CNBD1: variants seen among roughly 807,000 people sequenced by gnomAD.
CNBD1 encodes cyclic nucleotide binding domain containing 1, also known as cyclic nucleotide-binding domain-containing protein 1.
In CNBD1, 71 loss-of-function variants were observed where a neutral mutation model predicts 54.4. The observed-to-expected ratio is 1.30, with a 90% confidence interval of 1.08 to 1.59. The LOEUF (loss-of-function observed/expected upper bound fraction) is 1.59, where lower values mean the gene tolerates loss of function less well. CNBD1 is among the 40% of genes most tolerant of loss of function. The probability of loss-of-function intolerance (pLI) is 0.00; values close to 1 mark genes in which losing one functional copy is unlikely to be tolerated. For synonymous variants in CNBD1, 182 were observed against 170.7 expected (o/e 1.07, Z -0.51); for missense variants, 659 against 518.0 (o/e 1.27, Z -2.64).
intron 4 of CNBD1, among the ~76,000 whole-genome samples, chr8:87,130,586 G>A (rs919683224): frequency 2.0e-5 from 3 of 151,984 alleles, no homozygotes; most frequent in African/African-American, 4.8e-5. Context: ...AGACCAGCTT[G>A]GGCAACATGG....
intron 8 of CNBD1, among the ~76,000 whole-genome samples, chr8:87,317,337 T>C (rs1414449090): frequency 6.6e-6 from 1 of 151,736 alleles, no homozygotes; most frequent in Admixed American, 6.6e-5. Context: ...CTGTTCTAAG[T>C]ACTGCTTTTG....
chr8:87,272,225 C>T (rs923164750), intron 6 of CNBD1, among the ~76,000 whole-genome samples: 9 of 151,562 alleles, frequency 5.9e-5, no homozygotes, highest in East Asian at 5.8e-4. Flanking sequence ...AAATAGTTAG[C>T]GGGGAATAAT....
chr8:87,172,160 G>T (rs1019665977), intron 4 of CNBD1, among the ~76,000 whole-genome samples: 1 of 151,740 alleles, frequency 6.6e-6, no homozygotes, highest in Non-Finnish European at 1.5e-5. Flanking sequence ...TTATTAACAA[G>T]AAGAATTCTT....
chr8:87,211,772 C>G (rs576465885), intron 5 of CNBD1, among the ~76,000 whole-genome samples: 1 of 152,176 alleles, frequency 6.6e-6, no homozygotes, highest in Non-Finnish European at 1.5e-5. Context: ...GCCAATTAAA[C>G]CTCTTTTCTT....
intron 10 of CNBD1, among the ~76,000 whole-genome samples, chr8:87,379,679 A>G (rs989042613): frequency 2.6e-5 from 4 of 152,018 alleles, no homozygotes; most frequent in African/African-American, 4.8e-5. Flanking sequence ...ATGATGAAAC[A>G]TTATTGCACT....
chr8:86,874,986 T>TTATATATATATATA (rs10584669), intron 1 of CNBD1, among the ~76,000 whole-genome samples: 1,289 of 119,754 alleles, frequency 0.011, 25 homozygotes, highest in African/African-American at 0.013. Flanking sequence ...GTAAATCAAT[T>TTATATATATATATA]TATATATATA....
chr8:87,006,599 G>A (rs558739890), intron 4 of CNBD1, among the ~76,000 whole-genome samples: 6 of 152,150 alleles, frequency 3.9e-5, no homozygotes, highest in East Asian at 3.9e-4. Context: ...GAGAGAGTAG[G>A]GGGTAAGAGA....
At chr8:87,202,826 T>C (rs1453758417) in intron 4 of CNBD1, among the ~76,000 whole-genome samples, 4 of 152,164 alleles carry the variant, frequency 2.6e-5, no homozygotes, top group Admixed American at 1.3e-4. Flanking sequence ...CATGAGAGCA[T>C]GGCTGGCCAG....
At chr8:87,098,762 G>T (rs1811366990) in intron 4 of CNBD1, among the ~76,000 whole-genome samples, 1 of 151,364 alleles carries the variant, frequency 6.6e-6, no homozygotes, top group Non-Finnish European at 1.5e-5. Context: ...CCTGGGCCAG[G>T]CGCAGTGGCT....
intron 8 of CNBD1, among the ~76,000 whole-genome samples, chr8:87,299,790 T>C (rs1352512510): frequency 1.3e-5 from 2 of 151,412 alleles, no homozygotes; most frequent in African/African-American, 2.5e-5. Flanking sequence ...AGGGAACACA[T>C]AGTGGTAGGA....
At chr8:87,098,048 A>G (rs1367185893) in intron 4 of CNBD1, among the ~76,000 whole-genome samples, 1 of 152,232 alleles carries the variant, frequency 6.6e-6, no homozygotes, top group East Asian at 1.9e-4. Context: ...CTCAAGAATG[A>G]TCAACAACTT....
chr8:87,023,979 T>G (rs1809544106), intron 4 of CNBD1, among the ~76,000 whole-genome samples: 1 of 152,120 alleles, frequency 6.6e-6, no homozygotes, highest in Admixed American at 6.5e-5. Context: ...GGCTCATGCC[T>G]GTAATCCCAG....
intron 1 of CNBD1, among the ~76,000 whole-genome samples, chr8:86,869,363 C>G (rs563182007): frequency 1.2e-4 from 14 of 118,612 alleles, no homozygotes; most frequent in African/African-American, 4.3e-4. Context: ...AACAACAAAG[C>G]TGGCAGCATT....
intron 4 of CNBD1, among the ~76,000 whole-genome samples, chr8:86,992,016 C>A (rs1224651549): frequency 6.6e-6 from 1 of 152,034 alleles, no homozygotes; most frequent in African/African-American, 2.4e-5. Context: ...CTGTAGATAT[C>A]CATTTTGTCC....
chr8:87,040,462 C>T (rs1214089741), intron 4 of CNBD1, among the ~76,000 whole-genome samples: 8 of 126,634 alleles, frequency 6.3e-5, no homozygotes, highest in Non-Finnish European at 1.3e-4. Context: ...CTTGCTTTGT[C>T]GCCCAGTCTG....
intron 4 of CNBD1, among the ~76,000 whole-genome samples, chr8:87,194,870 G>C (rs1247279219): frequency 6.6e-6 from 1 of 150,634 alleles, no homozygotes; most frequent in Middle Eastern, 3.4e-3. Context: ...TTTTTTTGTT[G>C]TTTTTTGTTT....
intron 4 of CNBD1, among the ~76,000 whole-genome samples, chr8:86,965,506 C>A: frequency 6.6e-6 from 1 of 152,270 alleles, no homozygotes; most frequent in East Asian, 1.9e-4. Flanking sequence ...GTCTGGCAAC[C>A]ATGCTAGTCA....
intron 6 of CNBD1, among the ~76,000 whole-genome samples, chr8:87,261,307 C>A (rs1235854179): frequency 6.6e-6 from 1 of 152,030 alleles, no homozygotes; most frequent in Non-Finnish European, 1.5e-5. Flanking sequence ...ACAAATGGGT[C>A]CTGCAGGTAC....
chr8:87,012,568 G>A (rs1037946857), intron 4 of CNBD1, among the ~76,000 whole-genome samples: 3 of 152,026 alleles, frequency 2.0e-5, no homozygotes, highest in Non-Finnish European at 1.5e-5. Context: ...TTCCTTCCCA[G>A]ATCCAGGAAA....
Sources: allele counts gnomAD v4.1 joint callset (sites outside exome capture counted in the v4.1 genomes callset), GRCh38; gene constraint gnomAD v4.1.1; transcripts MANE v1.5; gene names NCBI Gene and HGNC (gene_info 2026-07-23, HGNC 2026-07-21).